SENP3: variants seen among roughly 807,000 people sequenced by gnomAD.
The protein encoded by SENP3 is sentrin-specific protease 3.
SENP3 carries 11 observed loss-of-function variants against 66.2 expected under a neutral mutation model. The ratio of observed to expected loss-of-function variants is 0.17; its 90% CI spans 0.10 to 0.28. SENP3 has a LOEUF of 0.28. SENP3 is among the 10% of genes least tolerant of loss of function. SENP3 has a pLI of 1.00. For missense variants in SENP3, 548 were observed against 743.7 expected, an observed-to-expected ratio of 0.74 and a Z score of 3.06; for synonymous variants, 292 against 277.6, an observed-to-expected ratio of 1.05 and a Z score of -0.52.
Position 7,564,672 on chromosome 17 carries a change from C to T in SENP3, c.763C>T (p.Pro255Ser). The change falls in exon 3 of 11, where the codon CCA (proline) becomes TCA (serine). Residue 255 changes from proline to serine, a missense_variant. This residue lies in a region of SENP3 where 215 missense variants were observed against 230.7 expected (regional missense o/e 0.93). Transcript: ENST00000321337. ...LPNGFGGQSG[P>S]EGERSLAPPD... is the part of the protein sequence containing the mutation. ...CAACGGTTTTGGGGGACAATCTGGG[C>T]CAGAAGGGGAGCGCAGCTTGGCACC... 1.2e-6 allele frequency: 2 copies of T among 1,614,034 alleles called. No individual in the cohort carries two copies. Among genetic ancestry groups the T allele is most frequent in the Non-Finnish European group, 1.7e-6 (2 of 1,179,902 alleles).
Position 7,571,672 on chromosome 17 carries a change from G to C in SENP3, c.*189G>C, listed in dbSNP as rs2071316070. The C allele has an allele frequency of 2.0e-6, 1 of 510,312 alleles. No individual in the cohort carries two copies. Among genetic ancestry groups the C allele is most frequent in the Admixed American group, 3.4e-5 (1 of 29,678 alleles). The allele number at this position is 510,312 out of a possible 1,614,324, so 31.6% of individuals were successfully genotyped here. ...TACTTGTTGATTTCTGATGTGCAGGGGGTGGCTACAGAAAAGCCCCTTTCT... is the reference window on the plus strand; with the variant it reads ...TACTTGTTGATTTCTGATGTGCAGGCGGTGGCTACAGAAAAGCCCCTTTCT... On this transcript the variant is annotated 3_prime_UTR_variant, in exon 11 of 11. Transcript: ENST00000321337.
chr17:7,565,480 A>C lies in SENP3; in HGVS notation c.1108A>C (p.Met370Leu). Reference sequence around the variant, plus strand: ...GCAGCTGATCCAGTCTTACCAGCGGATGCCAGGCAATGCCATGGTGAGGGG... The same window carrying C: ...GCAGCTGATCCAGTCTTACCAGCGGCTGCCAGGCAATGCCATGGTGAGGGG... ...VLQLIQSYQRMPGNAMVRGFR... is the reference protein window; with the variant it reads ...VLQLIQSYQRLPGNAMVRGFR... The change falls in exon 5 of 11, where the codon ATG becomes CTG. Residue 370 changes from methionine (M) to leucine (L), a missense_variant. This residue lies in a region of SENP3 where 72 missense variants were observed against 137.9 expected (regional missense o/e 0.52). Transcript: ENST00000321337. 1 of 1,613,832 alleles carries C rather than the reference A, an allele frequency of 6.2e-7. No individual in the cohort carries two copies. Among genetic ancestry groups the C allele is most frequent in the Non-Finnish European group, 8.5e-7 (1 of 1,179,846 alleles).
Position 7,571,840 on chromosome 17 carries a change from TA to T in SENP3, c.*358del, listed in dbSNP as rs796734412. 12,410 of 19,038 alleles carry T rather than the reference TA, an allele frequency of 0.65. 3,113 individuals are homozygous for T. Among genetic ancestry groups the T allele is most frequent in the South Asian group, 0.66 (405 of 610 alleles). 1.2% of individuals were successfully genotyped at this position (19,038 alleles called of 1,614,324 possible). A position where few individuals can be genotyped will look rare whatever the true frequency, so the allele number is the denominator to read the frequency against. ...TGCCTGCCAGATCTTCAAACTTTTA[TA>T]TATATATATATATATATATATATAT... On this transcript the variant is annotated 3_prime_UTR_variant, in exon 11 of 11. Coordinates refer to ENST00000321337, the MANE Select transcript of SENP3 (RefSeq NM_015670.6).
At position 7,570,398 on chromosome 17, in the gene SENP3, C is replaced by T; in HGVS notation, c.1384C>T (p.Leu462=). The change falls in exon 8 of 11, where the codon CTG becomes TTG. Residue 462 remains leucine, a synonymous_variant. Transcript: ENST00000321337. This position sits in a 1 kb window ranked among gnomAD's most constrained non-coding sequence, Gnocchi z 5.4. ...GGAGCTACTGCTAATCCCCATCCAC[C>T]TGGAGGTGCATTGGTCCCTCATCTC... is the stretch of plus-strand genomic sequence containing the variant. The part of the protein sequence containing the change: ...NKELLLIPIH[L]EVHWSLISVD... 2 of 1,613,934 alleles carry T rather than the reference C, an allele frequency of 1.2e-6. No individual in the cohort carries two copies. The highest frequency in any genetic ancestry group is 2.2e-5 in the South Asian group (2 of 91,084).
chr17:7,571,893 AT>A lies in SENP3; in HGVS notation c.*411del, dbSNP rs2071326380. 9.2e-4 allele frequency: 11 copies of A among 11,998 alleles called. 1 individual carries two copies. The highest frequency in any genetic ancestry group is 1.9e-3 in the East Asian group (1 of 520). The allele number at this position is 11,998 out of a possible 1,614,324, so 0.7% of individuals were successfully genotyped here. On this transcript the variant is annotated 3_prime_UTR_variant, in exon 11 of 11. Transcript: ENST00000321337. ...TATATATATATATATATATATATAT[AT>A]ATATATATATATATAAAAATATATA...
rs58537439 is a variant in SENP3 at position 7,571,837 on chromosome 17, TTATATATATATATATA to T, written c.*411_*426del. On this transcript the variant is annotated 3_prime_UTR_variant, in exon 11 of 11. Transcript: ENST00000321337. ...CACTGCCTGCCAGATCTTCAAACTTTTATATATATATATATATATATATATATATATATATATATAT... is the reference window on the plus strand; with the variant it reads ...CACTGCCTGCCAGATCTTCAAACTTTTATATATATATATATATATATATAT... The T allele has an allele frequency of 2.3e-4, 7 of 30,494 alleles. No homozygotes were observed. The highest frequency in any genetic ancestry group is 1.6e-3 in the Admixed American group (3 of 1,920). The allele number at this position is 30,494 out of a possible 1,614,324, so 1.9% of individuals were successfully genotyped here.
In SENP3 at chr17:7,570,818, C is replaced by T; in HGVS notation, c.1563+54C>T. The T allele has an allele frequency of 6.2e-7, 1 of 1,601,236 alleles. No homozygotes were observed. The highest frequency in any genetic ancestry group is 8.5e-7 in the Non-Finnish European group (1 of 1,172,442). ...TGTTGGTGGGGACAGTGGTAGAAGGCAGAAATTGAAGTCCTACCCCTGGGA... is the reference window on the plus strand; with the variant it reads ...TGTTGGTGGGGACAGTGGTAGAAGGTAGAAATTGAAGTCCTACCCCTGGGA... On this transcript the variant is annotated intron_variant, in intron 9 of 10. Coordinates refer to ENST00000321337, the MANE Select transcript of SENP3 (RefSeq NM_015670.6). This position sits in a 1 kb window ranked among gnomAD's most constrained non-coding sequence, Gnocchi z 5.4.
Position 7,562,281 on chromosome 17 carries a change from C to A in SENP3, c.-12+18C>A. On this transcript the variant is annotated intron_variant, in intron 1 of 10. Transcript: ENST00000321337. This position sits in a 1 kb window ranked among gnomAD's most constrained non-coding sequence, Gnocchi z 5.0. ...CGCTCCCGGTGAGGACGCCCCCTCC[C>A]CTCCCCCCAGCCCTGCCTTGGCCTC... The A allele has an allele frequency of 2.5e-6, 1 of 398,226 alleles. No homozygotes were observed. The highest frequency in any genetic ancestry group is 1.3e-4 in the South Asian group (1 of 7,872). 24.7% of individuals were successfully genotyped at this position (398,226 alleles called of 1,614,324 possible).
In SENP3 at chr17:7,569,384, C is replaced by CAAA. The variant is rs1283964746; in HGVS notation, c.1342-960_1342-958dup. Among the ~76,000 whole-genome samples, 258 of 106,728 alleles carry CAAA rather than the reference C, an allele frequency of 2.4e-3. 3 individuals carry two copies. Among genetic ancestry groups the CAAA allele is most frequent in the African/African-American group, 8.9e-3 (246 of 27,794 alleles). The allele number at this position is 106,728 out of a possible 152,430, so 70.0% of individuals were successfully genotyped here. A position where few individuals can be genotyped will look rare whatever the true frequency, so the allele number is the denominator to read the frequency against. On this transcript the variant is annotated intron_variant, in intron 7 of 10. Transcript: ENST00000321337. ...TGGGCAACAGAGCAAGACTCCGTCT[C>CAAA]AAAAAAAAAAAAAAGATTTGTTTTT...
rs1333964654 is a variant in SENP3 at position 7,562,505 on chromosome 17, C to T, written c.-12+242C>T. Among the ~76,000 whole-genome samples, 1 of 152,250 alleles carries T rather than the reference C, an allele frequency of 6.6e-6. No individual in the cohort carries two copies. The highest frequency in any genetic ancestry group is 1.5e-5 in the Non-Finnish European group (1 of 68,042). On this transcript the variant is annotated intron_variant, in intron 1 of 10. Transcript: ENST00000321337. The surrounding 1 kb of genome is among the most constrained non-coding windows in gnomAD (Gnocchi z 5.0). ...TCCGTTCTGTCCCAGCGTCTTGATTCGGTTCTCTTTAAGTTTCCTTCAAAG... is the reference window on the plus strand; with the variant it reads ...TCCGTTCTGTCCCAGCGTCTTGATTTGGTTCTCTTTAAGTTTCCTTCAAAG...
Position 7,562,360 on chromosome 17 carries a change from G to C in SENP3, c.-12+97G>C, listed in dbSNP as rs1291516225. The C allele has an allele frequency of 2.5e-6, 1 of 396,038 alleles. No homozygotes were observed. Among genetic ancestry groups the C allele is most frequent in the African/African-American group, 2.1e-5 (1 of 48,568 alleles). The allele number at this position is 396,038 out of a possible 1,614,324, so 24.5% of individuals were successfully genotyped here. On this transcript the variant is annotated intron_variant, in intron 1 of 10. Transcript: ENST00000321337. This position sits in a 1 kb window ranked among gnomAD's most constrained non-coding sequence, Gnocchi z 5.0. ...ACCGGGGCCCAGAGGCCCGCATAGGGGCTTCTTAAGGCCCGTGTGCGCCGA... is the reference window on the plus strand; with the variant it reads ...ACCGGGGCCCAGAGGCCCGCATAGGCGCTTCTTAAGGCCCGTGTGCGCCGA...
intron 7 of SENP3, among the ~76,000 whole-genome samples, chr17:7,569,780 C>T (rs1245810673): frequency 6.6e-6 from 1 of 152,218 alleles, no homozygotes; most frequent in African/African-American, 2.4e-5. Flanking sequence ...TCACGACTTT[C>T]CAAGCTGCAA....
At chr17:7,565,961 TTAG>T (rs1175126992) in intron 6 of SENP3, 197 bp downstream of exon 6, 51 of 559,866 alleles carry the variant, frequency 9.1e-5, no homozygotes, top group Non-Finnish European at 6.4e-5. Flanking sequence ...CTGCCAGTAT[TTAG>T]TGTTTTTCGC....
chr17:7,566,130 T>G (rs2071265818), intron 6 of SENP3: 1 of 185,762 alleles, frequency 5.4e-6, no homozygotes, highest in African/African-American at 2.4e-5. Context: ...TCACCTGAGG[T>G]CGGGAGTTCA....
chr17:7,566,559 G>A (rs1203373167), intron 6 of SENP3, among the ~76,000 whole-genome samples: 1 of 151,214 alleles, frequency 6.6e-6, no homozygotes, highest in Non-Finnish European at 1.5e-5. Flanking sequence ...CCAGCTACTC[G>A]GGAGGCTGAG....
chr17:7,570,394 C>T lies in SENP3; in HGVS notation c.1380C>T (p.Ile460=). The change falls in exon 8 of 11, where the codon ATC becomes ATT. Residue 460 remains isoleucine (I), a synonymous_variant. Transcript: ENST00000321337. The surrounding 1 kb of genome is among the most constrained non-coding windows in gnomAD (Gnocchi z 5.4). The part of the protein sequence containing the change: ...IFNKELLLIP[I]HLEVHWSLIS... Reference sequence around the variant, plus strand: ...ATAAGGAGCTACTGCTAATCCCCATCCACCTGGAGGTGCATTGGTCCCTCA... The same window carrying T: ...ATAAGGAGCTACTGCTAATCCCCATTCACCTGGAGGTGCATTGGTCCCTCA... 3 of 1,613,936 alleles carry T rather than the reference C, an allele frequency of 1.9e-6. No individual in the cohort carries two copies. The highest frequency in any genetic ancestry group is 1.3e-5 in the African/African-American group (1 of 75,050).
chr17:7,565,427 T>A lies in SENP3; in HGVS notation c.1068-13T>A. On this transcript the variant is annotated splice_polypyrimidine_tract_variant and intron_variant, in intron 4 of 10. Coordinates refer to ENST00000321337, the MANE Select transcript of SENP3 (RefSeq NM_015670.6). ...CATCATCTTTTGTGTGACTCCACCC[T>A]TGGCCTACTCAGGAAGGGCCTGGTG... is the stretch of plus-strand genomic sequence containing the variant. 1 of 1,613,302 alleles carries A rather than the reference T, an allele frequency of 6.2e-7. No individual in the cohort carries two copies.
At position 7,570,318 on chromosome 17, in the gene SENP3, CTGTT is replaced by C; in HGVS notation, c.1342-33_1342-30del. 1 of 1,598,288 alleles carries C rather than the reference CTGTT, an allele frequency of 6.3e-7. No individual in the cohort carries two copies. Among genetic ancestry groups the C allele is most frequent in the Non-Finnish European group, 8.6e-7 (1 of 1,167,404 alleles). On this transcript the variant is annotated intron_variant, in intron 7 of 10. Coordinates refer to ENST00000321337, the MANE Select transcript of SENP3 (RefSeq NM_015670.6). The surrounding 1 kb of genome is among the most constrained non-coding windows in gnomAD (Gnocchi z 5.4). Reference sequence around the variant, plus strand: ...ACCTTCATGGCAAAAGGCAAGACTTCTGTTTGTTGTACCTGACCTGTGGCACTAT... The same window carrying C: ...ACCTTCATGGCAAAAGGCAAGACTTCTGTTGTACCTGACCTGTGGCACTAT...
chr17:7,565,625 C>T (rs2071261317), intron 5 of SENP3, 38 bp downstream of exon 5: 1 of 1,613,186 alleles, frequency 6.2e-7, no homozygotes. Flanking sequence ...AGAGGGGATT[C>T]AGGGAGCAGG....
Sources: gnomAD v4.1 joint callset for allele counts (sites outside exome capture counted in the v4.1 genomes callset) on GRCh38, gnomAD v4.1.1 for gene constraint, gnomAD v4.1.1 regional missense constraint, Gnocchi (gnomAD v3.1) non-coding constraint, MANE v1.5 for transcripts, NCBI Gene and HGNC (gene_info 2026-07-23, HGNC 2026-07-21) for gene names.